Variants in TRDN observed in about 807,000 individuals in gnomAD.
TRDN encodes triadin, also known as triadin in skeletal muscle.
A neutral mutation model predicts 149.7 loss-of-function variants in TRDN; 161 were observed. The observed-to-expected ratio is 1.08, with a 90% CI of 0.95 to 1.23. The LOEUF (loss-of-function observed/expected upper bound fraction) is 1.23, where lower values mean the gene tolerates loss of function less well. TRDN is among the 50% of genes most tolerant of loss of function. TRDN has a pLI of 0.00. For synonymous variants in TRDN, 294 were observed against 250.5 expected (o/e 1.17, Z -1.64); for missense variants, 896 against 823.5 (o/e 1.09, Z -1.08).
intron 24 of TRDN, among the ~76,000 whole-genome samples, chr6:123,316,214 T>C (rs1011933939): frequency 2.0e-5 from 3 of 151,954 alleles, no homozygotes; most frequent in African/African-American, 7.2e-5. Flanking sequence ...CTAATGGTTC[T>C]AGTGCTTTGA....
intron 10 of TRDN, among the ~76,000 whole-genome samples, chr6:123,446,584 CAAAAAAAAA>C (rs572029827): frequency 0.21 from 13,106 of 61,164 alleles, 836 homozygotes; most frequent in African/African-American, 0.33. Flanking sequence ...GATTCCATCT[CAAAAAAAAA>C]AAAAAAAAAA....
chr6:123,559,392 G>C (rs986667054), intron 2 of TRDN, among the ~76,000 whole-genome samples: 11 of 152,006 alleles, frequency 7.2e-5, no homozygotes, highest in African/African-American at 2.4e-4. Flanking sequence ...CTATTAGGCC[G>C]AGACACTTTA....
chr6:123,535,506 C>A (rs1159676301), intron 4 of TRDN, among the ~76,000 whole-genome samples: 2 of 152,134 alleles, frequency 1.3e-5, no homozygotes, highest in South Asian at 2.1e-4. Flanking sequence ...CACTCCAAGA[C>A]TAAAAGCTTT....
chr6:123,476,889 C>A (rs936362372), intron 9 of TRDN, among the ~76,000 whole-genome samples: 3 of 151,710 alleles, frequency 2.0e-5, no homozygotes, highest in Admixed American at 2.0e-4. Flanking sequence ...GCCTTCCTTA[C>A]AACTTATACA....
intron 22 of TRDN, among the ~76,000 whole-genome samples, chr6:123,337,074 T>G (rs569827658): frequency 6.6e-6 from 1 of 152,026 alleles, no homozygotes; most frequent in South Asian, 2.1e-4. Flanking sequence ...AATTAAGAAT[T>G]TCATGCTTTT....
Position 123,426,776 on chromosome 6 carries a change from G to A in TRDN, c.1051+11287C>T, listed in dbSNP as rs116484525. 5.5e-3 allele frequency among the ~76,000 whole-genome samples: 840 copies of A among 152,132 alleles called. 8 individuals are homozygous for A. Among genetic ancestry groups the A allele is most frequent in the African/African-American group, 0.02 (810 of 41,508 alleles). ...AATTAATATAGCTAACCGGATATGT[G>A]CAAGTGACTAACAAAATTACTTAAT... On this transcript the variant is annotated intron_variant, in intron 12 of 40. Transcript: ENST00000334268.
At chr6:123,313,303 C>T (rs955898232) in intron 24 of TRDN, among the ~76,000 whole-genome samples, 1 of 151,956 alleles carries the variant, frequency 6.6e-6, no homozygotes, top group Non-Finnish European at 1.5e-5. Context: ...CCATCTCAGA[C>T]TCTGCTCAGT....
At position 123,531,849 on chromosome 6, in the gene TRDN, T is replaced by C. The variant is rs144005299; in HGVS notation, c.425-1284A>G. On this transcript the variant is annotated intron_variant, in intron 4 of 40. Coordinates refer to ENST00000334268, the MANE Select transcript of TRDN (RefSeq NM_006073.4). Reference sequence around the variant, plus strand: ...AGCACTTTTGACATTCTGAATTGGGTGAAGCATTATTTTGGGGAGGGGCTA... The same window carrying C: ...AGCACTTTTGACATTCTGAATTGGGCGAAGCATTATTTTGGGGAGGGGCTA... Among the ~76,000 whole-genome samples, 14 of 152,162 alleles carry C rather than the reference T, an allele frequency of 9.2e-5. No homozygotes were observed. The East Asian group carries it at 2.1e-3, about 23-fold the overall frequency.
chr6:123,235,580 TC>T (rs1775755528), intron 38 of TRDN, among the ~76,000 whole-genome samples: 1 of 152,190 alleles, frequency 6.6e-6, no homozygotes, highest in Non-Finnish European at 1.5e-5. Context: ...TTTAAAATAA[TC>T]ACACAGTAAA....
At chr6:123,531,612 T>C (rs550188039) in intron 4 of TRDN, among the ~76,000 whole-genome samples, 249 of 152,214 alleles carry the variant, frequency 1.6e-3, no homozygotes, top group African/African-American at 5.7e-3. Flanking sequence ...ACAGGGTCAC[T>C]AATCTACTCT....
rs746361154 is a variant in TRDN, at chr6:123,548,497, A to C, written c.348T>G (p.Ser116=). Residue 116 remains serine (S), a synonymous_variant, in exon 3 of 41, where the codon TCT becomes TCG. Transcript: ENST00000334268. ...CACCATCATCATCTTCTTCATCTTC[A>C]GATGAGATGATGTCAGATAACAAAG... ...FFSLLSDIIS[S]EDEEDDDGDE... is the part of the protein sequence containing the mutation. 5.7e-6 allele frequency: 9 copies of C among 1,578,028 alleles called. No homozygotes were observed. The Admixed American group carries it at 1.6e-4, about 29-fold the overall frequency.
intron 13 of TRDN, among the ~76,000 whole-genome samples, chr6:123,392,708 C>T (rs1772539690): frequency 6.6e-6 from 1 of 151,916 alleles, no homozygotes; most frequent in Non-Finnish European, 1.5e-5. Context: ...AGACAACATC[C>T]TCGAGTCAAA....
intron 12 of TRDN, among the ~76,000 whole-genome samples, chr6:123,423,039 G>A (rs1006682664): frequency 1.3e-5 from 2 of 152,048 alleles, no homozygotes; most frequent in African/African-American, 2.4e-5. Context: ...ATGTAACAGC[G>A]TTATGGGTAG....
At chr6:123,405,216 A>C (rs1408819494) in intron 12 of TRDN, among the ~76,000 whole-genome samples, 1 of 152,238 alleles carries the variant, frequency 6.6e-6, no homozygotes, top group Non-Finnish European at 1.5e-5. Context: ...CAATATTCAA[A>C]TGCTGGAGCA....
intron 10 of TRDN, among the ~76,000 whole-genome samples, chr6:123,455,092 T>C (rs1407203942): frequency 6.6e-6 from 1 of 152,216 alleles, no homozygotes; most frequent in Non-Finnish European, 1.5e-5. Flanking sequence ...ATGCCAAACT[T>C]ATCTTTCAAC....
chr6:123,471,728 T>A lies in TRDN; in HGVS notation c.854-6745A>T, dbSNP rs1300129975. ...GAATAGCAGCCAAATACATATTTCATGCATTCTTTTGATTAAAAATGATAA... is the reference window on the plus strand; with the variant it reads ...GAATAGCAGCCAAATACATATTTCAAGCATTCTTTTGATTAAAAATGATAA... On this transcript the variant is annotated intron_variant, in intron 9 of 40. Coordinates refer to ENST00000334268, the MANE Select transcript of TRDN (RefSeq NM_006073.4). 3.9e-5 allele frequency: 6 copies of A among 152,350 alleles called. No individual in the cohort carries two copies. The East Asian group carries it at 1.2e-3, about 29-fold the overall frequency. The allele number at this position is 152,350 out of a possible 1,614,324, so 9.4% of individuals were successfully genotyped here.
chr6:123,236,168 G>A (rs780986593), intron 38 of TRDN, among the ~76,000 whole-genome samples: 1 of 152,070 alleles, frequency 6.6e-6, no homozygotes, highest in Non-Finnish European at 1.5e-5. Context: ...GCCAGCACTT[G>A]TTTTTGTTTT....
At chr6:123,355,780 T>C (rs1199123776) in intron 20 of TRDN, among the ~76,000 whole-genome samples, 1 of 151,726 alleles carries the variant, frequency 6.6e-6, no homozygotes, top group Non-Finnish European at 1.5e-5. Flanking sequence ...CCATTGAGTT[T>C]TGTGTTCCTT....
intron 1 of TRDN, among the ~76,000 whole-genome samples, chr6:123,624,134 G>A (rs995276859): frequency 6.6e-6 from 1 of 152,056 alleles, no homozygotes; most frequent in African/African-American, 2.4e-5. Context: ...ATATATACAA[G>A]TGATGTTTGT....
Sources: gnomAD v4.1 joint callset for allele counts (sites outside exome capture counted in the v4.1 genomes callset) on GRCh38, gnomAD v4.1.1 for gene constraint, MANE v1.5 for transcripts, NCBI Gene and HGNC (gene_info 2026-07-23, HGNC 2026-07-21) for gene names.